C2: variants seen among roughly 807,000 people sequenced by gnomAD.
C2 encodes complement C2.
Under a neutral mutation model 85.2 loss-of-function variants are expected in C2, and 64 were observed. The observed-to-expected ratio is 0.75, with a 90% CI of 0.61 to 0.92. C2 has a LOEUF of 0.92. Among genes scored for constraint, C2 ranks in the 40% least tolerant of loss-of-function variants. The pLI, the probability that C2 is intolerant of heterozygous loss-of-function variation, is 0.00. For missense variants in C2, 820 were observed against 971.6 expected, an observed-to-expected ratio of 0.84 and a Z score of 2.07; for synonymous variants, 311 against 370.8, an observed-to-expected ratio of 0.84 and a Z score of 1.85.
In C2 at chr6:31,933,628, C is replaced by T. The variant is rs1429706269; in HGVS notation, c.461C>T (p.Pro154Leu). 1 of 1,612,996 alleles carries T rather than the reference C, an allele frequency of 6.2e-7. No individual in the cohort carries two copies. The highest frequency in any genetic ancestry group is 1.7e-5 in the Admixed American group (1 of 60,008). Residue 154 changes from proline to leucine, a missense_variant, in exon 4 of 18, where the codon CCA (proline) becomes CTA (leucine). Transcript: ENST00000299367. Reference sequence around the variant, plus strand: ...CTCGCAGCTGGCCACTGCCCCAACCCAGGCATTTCACTGGGCGCAGTGCGG... The same window carrying T: ...CTCGCAGCTGGCCACTGCCCCAACCTAGGCATTTCACTGGGCGCAGTGCGG... ...CDNGAGHCPN[P>L]GISLGAVRTG...
chr6:31,899,664 T>A, upstream of C2: 1 of 508,544 alleles, frequency 2.0e-6, no homozygotes, highest in Non-Finnish European at 3.5e-6. Flanking sequence ...ATACATGCAC[T>A]TCTAAGAGAA....
At chr6:31,902,115 C>G (rs937394617) in intron 1 of C2, 1 of 149,028 alleles carries the variant, frequency 6.7e-6, no homozygotes, top group Non-Finnish European at 1.5e-5. Context: ...AGCAGGATCC[C>G]CCCTTCCCGA....
intron 9 of C2, among the ~76,000 whole-genome samples, chr6:31,941,986 T>G (rs1770923603): frequency 6.6e-6 from 1 of 151,380 alleles, no homozygotes; most frequent in Non-Finnish European, 1.5e-5. Flanking sequence ...TCTGGCTAAT[T>G]TTTGTATTTT....
At chr6:31,917,167 T>A, upstream of C2, among the ~76,000 whole-genome samples, 1 of 143,014 alleles carries the variant, frequency 7.0e-6, no homozygotes. Flanking sequence ...TGAGACTCTG[T>A]CTCAGAAAAA....
intron 3 of C2, among the ~76,000 whole-genome samples, chr6:31,930,691 C>T (rs1769669687): frequency 6.6e-6 from 1 of 152,166 alleles, no homozygotes; most frequent in Admixed American, 6.5e-5. Flanking sequence ...GATGGCAGGA[C>T]CACCTTCACC....
intron 6 of C2, chr6:31,934,995 C>A (rs1770289662): frequency 1.4e-6 from 1 of 721,140 alleles, no homozygotes; most frequent in South Asian, 6.3e-5. Context: ...GCAACTAGAG[C>A]AAAACTCTGT....
Position 31,944,227 on chromosome 6 carries a change from G to T in C2, c.1902+1G>T, listed in dbSNP as rs113460995. The T allele has an allele frequency of 1.2e-6, 2 of 1,602,224 alleles. No homozygotes were observed. Among genetic ancestry groups the T allele is most frequent in the Non-Finnish European group, 1.7e-6 (2 of 1,170,198 alleles). On this transcript the variant is annotated splice_donor_variant, in intron 15 of 17. Transcript: ENST00000299367. LOFTEE classifies it high-confidence loss of function. This position sits in a 1 kb window ranked among gnomAD's most constrained non-coding sequence, Gnocchi z 5.1. ...CATTAACCTTAAGATGGGAGTGGAG[G>T]TGAGGGTCTCAGGTTGGGGATGCTG...
At position 31,944,742 on chromosome 6, in the gene C2, G is replaced by C; in HGVS notation, c.1918G>C (p.Glu640Gln). 6.2e-7 allele frequency: 1 copy of C among 1,613,068 alleles called. No individual in the cohort carries two copies. The highest frequency in any genetic ancestry group is 8.5e-7 in the Non-Finnish European group (1 of 1,180,018). ...CCTGCTGCAGTGGACAAGCTGTGCC[G>C]AGGTTGTCTCCCAAGAAAAAACCAT... ...KMGVEWTSCA[E>Q]VVSQEKTMFP... Residue 640 changes from glutamate (E) to glutamine (Q), a missense_variant, in exon 16 of 18, where the codon GAG becomes CAG. Glu to Gln is a conservative substitution (Grantham distance 29). Coordinates refer to ENST00000299367, the MANE Select transcript of C2 (RefSeq NM_000063.6). This position sits in a 1 kb window ranked among gnomAD's most constrained non-coding sequence, Gnocchi z 5.1.
chr6:31,909,603 CTTT>C (rs879276738), intron 1 of C2, among the ~76,000 whole-genome samples: 1 of 144,426 alleles, frequency 6.9e-6, no homozygotes, highest in African/African-American at 2.5e-5. Context: ...CCGCCCACCT[CTTT>C]TTTTTTTTTT....
chr6:31,900,472 C>T, upstream of C2: 1 of 1,600,200 alleles, frequency 6.2e-7, no homozygotes, highest in Non-Finnish European at 8.5e-7. The surrounding 1 kb of genome is among the most constrained non-coding windows in gnomAD (Gnocchi z 9.7). Context: ...GAATCAACAG[C>T]AGGCCCTCCC....
rs549617509 is a variant in C2, at chr6:31,935,431, G to T, written c.850-492G>T. 3 of 155,718 alleles carry T rather than the reference G, an allele frequency of 1.9e-5. No individual in the cohort carries two copies. Among genetic ancestry groups the T allele is most frequent in the African/African-American group, 7.2e-5 (3 of 41,436 alleles). 9.6% of individuals were successfully genotyped at this position (155,718 alleles called of 1,614,324 possible). A position where few individuals can be genotyped will look rare whatever the true frequency, so the allele number is the denominator to read the frequency against. ...TCAAAGAGAAAGATGTTCAACAAAG[G>T]TTTCTTCCTTAGCTGCTGCTGTTCC... is the stretch of plus-strand genomic sequence containing the variant. On this transcript the variant is annotated intron_variant, in intron 6 of 17. Transcript: ENST00000299367. The surrounding 1 kb of genome is among the most constrained non-coding windows in gnomAD (Gnocchi z 4.3).
At chr6:31,942,896 C>T in intron 9 of C2, 63 bp from the exon 10 acceptor site, 1 of 1,604,066 alleles carries the variant, frequency 6.2e-7, no homozygotes, top group South Asian at 1.1e-5. Flanking sequence ...AGATGACAGC[C>T]TCCTGTCTCA....
At chr6:31,933,031 A>G (rs1770047013) in intron 3 of C2, among the ~76,000 whole-genome samples, 1 of 152,170 alleles carries the variant, frequency 6.6e-6, no homozygotes, top group African/African-American at 2.4e-5. Flanking sequence ...CAGGAGAATC[A>G]GGCAGGGAGG....
intron 1 of C2, among the ~76,000 whole-genome samples, chr6:31,903,275 C>A (rs537842570): frequency 2.4e-4 from 37 of 152,314 alleles, no homozygotes; most frequent in Admixed American, 3.9e-4. Context: ...CTGGTTTCCC[C>A]ATTAGACTAT....
At chr6:31,903,808 G>A (rs1767542678) in intron 1 of C2, among the ~76,000 whole-genome samples, 1 of 152,038 alleles carries the variant, frequency 6.6e-6, no homozygotes, top group South Asian at 2.1e-4. Flanking sequence ...GTGGTACCTT[G>A]ACTTTTTGCC....
At chr6:31,910,029 C>T (rs1330855083) in intron 1 of C2, among the ~76,000 whole-genome samples, 2 of 151,500 alleles carry the variant, frequency 1.3e-5, no homozygotes, top group Non-Finnish European at 2.9e-5. Context: ...TACAGTCACG[C>T]GCCACCACGC....
chr6:31,934,365 T>C lies in C2; in HGVS notation c.849+66T>C, dbSNP rs758947411. ...TGCTCACTATCTCTCTCTGTCTCCT[T>C]CCCCTCCTCAGAACCCCACTCACAG... On this transcript the variant is annotated intron_variant, in intron 6 of 17. Coordinates refer to ENST00000299367, the MANE Select transcript of C2 (RefSeq NM_000063.6). 2.5e-6 allele frequency: 4 copies of C among 1,608,028 alleles called. No homozygotes were observed. In the African/African-American group the frequency reaches 4.0e-5, roughly 16 times the overall value.
At chr6:31,930,168 G>C (rs965994101) in intron 3 of C2, among the ~76,000 whole-genome samples, 2 of 150,292 alleles carry the variant, frequency 1.3e-5, no homozygotes, top group African/African-American at 4.9e-5. Flanking sequence ...CGCAACATCT[G>C]CCTCCCGGGT....
chr6:31,934,925 T>G (rs1770283604), intron 6 of C2: 1 of 263,464 alleles, frequency 3.8e-6, no homozygotes, highest in Admixed American at 6.4e-5. Flanking sequence ...GGAGAATCGC[T>G]TGGATCCGGG....
Sources: gnomAD v4.1 joint callset for allele counts (sites outside exome capture counted in the v4.1 genomes callset) on GRCh38, gnomAD v4.1.1 for gene constraint, Gnocchi (gnomAD v3.1) non-coding constraint, MANE v1.5 for transcripts, NCBI Gene and HGNC (gene_info 2026-07-23, HGNC 2026-07-21) for gene names.